YTHDC2: variants seen among roughly 807,000 people sequenced by gnomAD.
YTHDC2 encodes 3'-5' RNA helicase YTHDC2.
A neutral mutation model predicts 174.9 loss-of-function variants in YTHDC2; 45 were observed. The ratio of observed to expected loss-of-function variants is 0.26; its 90% CI spans 0.20 to 0.33. The LOEUF (loss-of-function observed/expected upper bound fraction) is 0.33. YTHDC2 is among the 10% of genes least tolerant of loss of function. The probability of loss-of-function intolerance (pLI) is 1.00; values close to 1 mark genes in which losing one functional copy is unlikely to be tolerated. For synonymous variants in YTHDC2, 657 were observed against 574.5 expected, an observed-to-expected ratio of 1.14 and a Z score of -2.05; for missense variants, 1,650 against 1,723.7, an observed-to-expected ratio of 0.96 and a Z score of 0.76.
At chr5:113,587,843 A>G (rs1478848138) in intron 26 of YTHDC2, among the ~76,000 whole-genome samples, 3 of 151,740 alleles carry the variant, frequency 2.0e-5, no homozygotes, top group Non-Finnish European at 2.9e-5. Flanking sequence ...CTATAGATCA[A>G]TTTAAAGAAA....
chr5:113,533,135 A>G, intron 5 of YTHDC2, 90 bp downstream of exon 5: 1 of 1,426,750 alleles, frequency 7.0e-7, no homozygotes, highest in Non-Finnish European at 9.5e-7. Context: ...GTTCGTTGAA[A>G]AGTTAGGTGA....
At chr5:113,558,582 T>C (rs2112694886) in intron 17 of YTHDC2, among the ~76,000 whole-genome samples, 1 of 152,216 alleles carries the variant, frequency 6.6e-6, no homozygotes, top group South Asian at 2.1e-4. Context: ...AGTAGTGCCA[T>C]AGTCAGATAG....
At chr5:113,573,541 G>A (rs531441096) in intron 23 of YTHDC2, among the ~76,000 whole-genome samples, 1 of 151,938 alleles carries the variant, frequency 6.6e-6, no homozygotes, top group African/African-American at 2.4e-5. Context: ...GGAAGTTCTG[G>A]ATGATATCCT....
intron 2 of YTHDC2, among the ~76,000 whole-genome samples, chr5:113,518,930 G>A (rs927868399): frequency 6.6e-6 from 1 of 152,040 alleles, no homozygotes; most frequent in African/African-American, 2.4e-5. Context: ...TGTCCAGGCT[G>A]GAGTACAGTG....
At chr5:113,525,930 C>T (rs1245013083) in intron 3 of YTHDC2, among the ~76,000 whole-genome samples, 1 of 151,970 alleles carries the variant, frequency 6.6e-6, no homozygotes, top group Non-Finnish European at 1.5e-5. Flanking sequence ...ATATTTTGAG[C>T]TACATGAATA....
intron 3 of YTHDC2, 111 bp downstream of exon 3, chr5:113,525,288 A>G: frequency 6.4e-6 from 6 of 934,480 alleles, no homozygotes; most frequent in Non-Finnish European, 9.3e-6. Flanking sequence ...TCTCAATTGG[A>G]ATAGTTTGTT....
intron 7 of YTHDC2, among the ~76,000 whole-genome samples, chr5:113,538,331 A>C (rs1230935171): frequency 7.9e-5 from 12 of 152,092 alleles, no homozygotes; most frequent in Admixed American, 7.9e-4. Context: ...CAAGCACTTT[A>C]CTGAGCTTAA....
chr5:113,541,283 C>T (rs1324383337), intron 9 of YTHDC2, among the ~76,000 whole-genome samples, 167 bp downstream of exon 9: 1 of 151,162 alleles, frequency 6.6e-6, no homozygotes, highest in Admixed American at 6.6e-5. Flanking sequence ...GCTCCGCGTT[C>T]CGGGTTCACG....
At chr5:113,585,497 C>G (rs1248224928) in intron 26 of YTHDC2, among the ~76,000 whole-genome samples, 1 of 151,906 alleles carries the variant, frequency 6.6e-6, no homozygotes, top group Non-Finnish European at 1.5e-5. Context: ...TAAGGTGTAA[C>G]TTACAATAAA....
chr5:113,588,214 C>T (rs983233448), intron 26 of YTHDC2, among the ~76,000 whole-genome samples: 1 of 151,988 alleles, frequency 6.6e-6, no homozygotes, highest in Non-Finnish European at 1.5e-5. Flanking sequence ...TACCTTATCT[C>T]TCTGGCCAGA....
intron 4 of YTHDC2, 128 bp downstream of exon 4, chr5:113,526,913 CTT>C (rs1217707120): frequency 4.5e-6 from 1 of 221,856 alleles, no homozygotes; most frequent in African/African-American, 2.4e-5. Flanking sequence ...GAAAAAGAAA[CTT>C]GTGGTTATTA....
At chr5:113,553,915 T>G (rs758728903) in intron 15 of YTHDC2, 27 bp from the exon 16 acceptor site, 73 of 1,583,670 alleles carry the variant, frequency 4.6e-5, no homozygotes, top group Non-Finnish European at 5.6e-5. Context: ...GTTTTTTTAT[T>G]AACTTTAAAG....
rs551325141 is a variant in YTHDC2, at chr5:113,553,026, A to G, written c.1689-155A>G. 3.3e-5 allele frequency among the ~76,000 whole-genome samples: 5 copies of G among 152,196 alleles called. No individual in the cohort carries two copies. The South Asian group carries it at 1.0e-3, about 32-fold the overall frequency. On this transcript the variant is annotated intron_variant, in intron 12 of 29. Coordinates refer to ENST00000161863, the MANE Select transcript of YTHDC2 (RefSeq NM_022828.5). ...TCATTGCCAAATTTTACTTTGAATA[A>G]TGTGCTTGAAATCAAAACATGAATC...
intron 4 of YTHDC2, among the ~76,000 whole-genome samples, chr5:113,529,022 T>G (rs1774476338): frequency 6.6e-6 from 1 of 152,224 alleles, no homozygotes; most frequent in Non-Finnish European, 1.5e-5. Flanking sequence ...TTTTGCATCT[T>G]GATTTTTTTT....
At chr5:113,544,130 C>T (rs1775681427) in intron 10 of YTHDC2, among the ~76,000 whole-genome samples, 2 of 152,056 alleles carry the variant, frequency 1.3e-5, no homozygotes, top group Non-Finnish European at 2.9e-5. Flanking sequence ...GCTGAAAAAT[C>T]TTTGTTGAAT....
rs566959598 is a variant in YTHDC2, at chr5:113,567,075, G to A, written c.2843-17G>A. On this transcript the variant is annotated splice_polypyrimidine_tract_variant and intron_variant, in intron 21 of 29. Transcript: ENST00000161863. Reference sequence around the variant, plus strand: ...TTTGCACAATAGAAAAATTGGTGTGGTTTTTTTCCCCTCTAGGTTTTGTTA... The same window carrying A: ...TTTGCACAATAGAAAAATTGGTGTGATTTTTTTCCCCTCTAGGTTTTGTTA... The A allele has an allele frequency of 5.6e-6, 9 of 1,602,600 alleles. No homozygotes were observed. The highest frequency in any genetic ancestry group is 7.7e-6 in the Non-Finnish European group (9 of 1,175,732).
intron 20 of YTHDC2, chr5:113,565,593 T>C (rs1777281501): frequency 4.8e-6 from 1 of 207,692 alleles, no homozygotes; most frequent in South Asian, 9.6e-5. Context: ...AAACCTATAC[T>C]TTTGTAGAGA....
intron 4 of YTHDC2, among the ~76,000 whole-genome samples, chr5:113,531,960 T>C (rs1452109615): frequency 6.6e-6 from 1 of 152,186 alleles, no homozygotes; most frequent in Non-Finnish European, 1.5e-5. Context: ...GACTCAGCAT[T>C]TTCACTACTA....
chr5:113,531,940 T>A (rs967024573), intron 4 of YTHDC2, among the ~76,000 whole-genome samples: 1 of 152,178 alleles, frequency 6.6e-6, no homozygotes, highest in African/African-American at 2.4e-5. Context: ...TAAAAATTTA[T>A]TTACTCCATG....
Sources: gnomAD v4.1 joint callset for allele counts (sites outside exome capture counted in the v4.1 genomes callset) on GRCh38, gnomAD v4.1.1 for gene constraint, MANE v1.5 for transcripts, NCBI Gene and HGNC (gene_info 2026-07-23, HGNC 2026-07-21) for gene names.